FAF1: variants seen among roughly 807,000 people sequenced by gnomAD.
The protein encoded by FAF1 is FAS-associated factor 1.
A neutral mutation model predicts 92.5 loss-of-function variants in FAF1; 25 were observed. The observed-to-expected ratio is 0.27, with a 90% CI of 0.20 to 0.38. FAF1 has a LOEUF of 0.38. Ranked by LOEUF, FAF1 falls within the 10% of genes least tolerant of loss-of-function variation. The pLI is 1.00. For missense variants in FAF1, 636 were observed against 793.3 expected (o/e 0.80, Z 2.38); for synonymous variants, 234 against 273.2 (o/e 0.86, Z 1.42).
intron 1 of FAF1, among the ~76,000 whole-genome samples, chr1:50,941,894 T>G (rs1645136312): frequency 6.6e-6 from 1 of 152,244 alleles, no homozygotes; most frequent in Admixed American, 6.5e-5. Flanking sequence ...AAATGATTTT[T>G]AATATTTTTT....
chr1:50,845,570 C>T (rs893264556), intron 2 of FAF1, among the ~76,000 whole-genome samples: 5 of 152,070 alleles, frequency 3.3e-5, no homozygotes, highest in African/African-American at 1.2e-4. Flanking sequence ...ACCCACTCTT[C>T]TGCTTGCTGA....
chr1:50,759,914 AT>A (rs1326423356), intron 4 of FAF1, among the ~76,000 whole-genome samples: 2 of 152,056 alleles, frequency 1.3e-5, no homozygotes, highest in Non-Finnish European at 2.9e-5. Flanking sequence ...GATGATGAGC[AT>A]TTTTTCATGT....
intron 1 of FAF1, among the ~76,000 whole-genome samples, chr1:50,953,088 C>T (rs1645233651): frequency 6.6e-6 from 1 of 152,184 alleles, no homozygotes; most frequent in Non-Finnish European, 1.5e-5. Context: ...AATCTATAAC[C>T]TTACCCCCAA....
intron 12 of FAF1, among the ~76,000 whole-genome samples, chr1:50,568,427 T>C (rs1281558564): frequency 1.3e-5 from 2 of 152,162 alleles, no homozygotes; most frequent in Non-Finnish European, 2.9e-5. Flanking sequence ...TTAGGAATTA[T>C]CTAGATAAAG....
In FAF1 at chr1:50,655,427, T is replaced by A; in HGVS notation, c.744+15A>T. The A allele has an allele frequency of 6.3e-7, 1 of 1,587,280 alleles. No homozygotes were observed. Among genetic ancestry groups the A allele is most frequent in the Non-Finnish European group, 8.6e-7 (1 of 1,156,092 alleles). On this transcript the variant is annotated intron_variant, in intron 8 of 18. Transcript: ENST00000396153. ...GAAAGGAGGATATAAAACTGAAAAT[T>A]TGACTGTCACTTACTGAGTCGTCTG...
At chr1:50,460,137 A>G (rs773703465) in intron 18 of FAF1, among the ~76,000 whole-genome samples, 4 of 152,170 alleles carry the variant, frequency 2.6e-5, no homozygotes, top group African/African-American at 9.7e-5. Flanking sequence ...AAACTCTTCC[A>G]TATTTTTTCA....
intron 8 of FAF1, among the ~76,000 whole-genome samples, chr1:50,607,633 T>C (rs920395785): frequency 6.6e-6 from 1 of 152,160 alleles, no homozygotes; most frequent in Non-Finnish European, 1.5e-5. Context: ...GAACATAATA[T>C]GAGGAAAATT....
At chr1:50,712,878 T>C (rs192714874) in intron 6 of FAF1, among the ~76,000 whole-genome samples, 1 of 151,656 alleles carries the variant, frequency 6.6e-6, no homozygotes, top group Admixed American at 6.6e-5. Flanking sequence ...TACCTTCAAG[T>C]TGGGGGGGCG....
At chr1:50,822,746 T>TTTTCTTTC (rs758301200) in intron 2 of FAF1, among the ~76,000 whole-genome samples, 61 of 144,344 alleles carry the variant, frequency 4.2e-4, no homozygotes, top group South Asian at 1.3e-3. Context: ...TTTTGGTGTT[T>TTTTCTTTC]TTTCTTTCTT....
intron 1 of FAF1, among the ~76,000 whole-genome samples, chr1:50,912,136 T>TACCA (rs956960620): frequency 3.3e-5 from 5 of 151,906 alleles, no homozygotes; most frequent in Admixed American, 2.0e-4. Flanking sequence ...ATTTCAAAAA[T>TACCA]ACCACCAACT....
chr1:50,831,924 G>T lies in FAF1; in HGVS notation c.114+26005C>A, dbSNP rs150375103. Among the ~76,000 whole-genome samples, 12 of 152,094 alleles carry T rather than the reference G, an allele frequency of 7.9e-5. No homozygotes were observed. The East Asian group carries it at 2.3e-3, about 29-fold the overall frequency. On this transcript the variant is annotated intron_variant, in intron 2 of 18. Coordinates refer to ENST00000396153, the MANE Select transcript of FAF1 (RefSeq NM_007051.3). Reference sequence around the variant, plus strand: ...GCTCCGCCTCTCGTCAGATGAGCAGGAGCAATAGAGTTTCACAAGAGCATG... The same window carrying T: ...GCTCCGCCTCTCGTCAGATGAGCAGTAGCAATAGAGTTTCACAAGAGCATG...
At chr1:50,887,068 C>T (rs573231562) in intron 1 of FAF1, among the ~76,000 whole-genome samples, 1 of 152,312 alleles carries the variant, frequency 6.6e-6, no homozygotes, top group African/African-American at 2.4e-5. Flanking sequence ...TAATGATCGC[C>T]ATTCTAACTG....
At chr1:50,740,101 A>G (rs1659323968) in intron 5 of FAF1, among the ~76,000 whole-genome samples, 1 of 152,202 alleles carries the variant, frequency 6.6e-6, no homozygotes, top group Admixed American at 6.5e-5. Flanking sequence ...CATTGAACAG[A>G]ACAGCCTAAA....
At chr1:50,482,908 A>T (rs1412731623) in intron 17 of FAF1, among the ~76,000 whole-genome samples, 1 of 151,996 alleles carries the variant, frequency 6.6e-6, no homozygotes. Flanking sequence ...CAGATATATG[A>T]TTTTCCCCTT....
chr1:50,485,854 G>A (rs935574803), intron 17 of FAF1, among the ~76,000 whole-genome samples: 4 of 151,974 alleles, frequency 2.6e-5, no homozygotes, highest in Non-Finnish European at 5.9e-5. Context: ...TCACATGGTG[G>A]CAGGGGAGAG....
chr1:50,687,857 AAC>A (rs1413600797), intron 7 of FAF1, among the ~76,000 whole-genome samples: 2 of 151,840 alleles, frequency 1.3e-5, no homozygotes, highest in Non-Finnish European at 2.9e-5. Context: ...TAAAAAATGA[AAC>A]ACGCGGTGGC....
intron 8 of FAF1, among the ~76,000 whole-genome samples, chr1:50,628,258 TG>T (rs1653602356): frequency 6.6e-6 from 1 of 152,164 alleles, no homozygotes; most frequent in African/African-American, 2.4e-5. Flanking sequence ...TAGAAGGTGA[TG>T]GGGTACAGAA....
intron 3 of FAF1, among the ~76,000 whole-genome samples, chr1:50,792,429 T>A (rs767795084): frequency 9.9e-5 from 15 of 152,262 alleles, no homozygotes; most frequent in Non-Finnish European, 1.8e-4. Flanking sequence ...GGTGAACAGC[T>A]CCTTCTCCCA....
At chr1:50,460,649 T>G (rs915567603) in intron 18 of FAF1, among the ~76,000 whole-genome samples, 1 of 151,586 alleles carries the variant, frequency 6.6e-6, no homozygotes, top group Middle Eastern at 3.4e-3. Flanking sequence ...ACACTTTTTT[T>G]TTGAGGCAGG....
Sources: allele counts gnomAD v4.1 joint callset (sites outside exome capture counted in the v4.1 genomes callset), GRCh38; gene constraint gnomAD v4.1.1; transcripts MANE v1.5; gene names NCBI Gene and HGNC (gene_info 2026-07-23, HGNC 2026-07-21).